The following ARHGEF28 variants were observed in gnomAD, a reference collection of about 807,000 sequenced individuals.
ARHGEF28 encodes the protein 190 kDa guanine nucleotide exchange factor.
Under a neutral mutation model 206.6 loss-of-function variants are expected in ARHGEF28, and 152 were observed. The ratio of observed to expected loss-of-function variants is 0.74; its 90% CI spans 0.64 to 0.84. The LOEUF is 0.84. Ranked by LOEUF, ARHGEF28 falls within the 40% of genes least tolerant of loss-of-function variation. ARHGEF28 has a pLI of 0.00. For missense variants in ARHGEF28, 2,028 were observed against 2,073.2 expected, an observed-to-expected ratio of 0.98 and a Z score of 0.42; for synonymous variants, 763 against 776.4, an observed-to-expected ratio of 0.98 and a Z score of 0.29.
rs770831702 is a variant in ARHGEF28, at chr5:73,795,404, G to A, written c.1024+13G>A. ...AGCCTAGATTTGGGTATGAAATAAC[G>A]CTTTTACCTATACTCGTAGGGGCAT... On this transcript the variant is annotated intron_variant, in intron 9 of 35. Transcript: ENST00000513042. 28 of 1,606,704 alleles carry A rather than the reference G, an allele frequency of 1.7e-5. 1 individual carries two copies. Among genetic ancestry groups the A allele is most frequent in the Admixed American group, 8.3e-5 (5 of 59,904 alleles).
intron 4 of ARHGEF28, among the ~76,000 whole-genome samples, chr5:73,771,313 C>T (rs370548914): frequency 3.3e-5 from 5 of 152,104 alleles, no homozygotes; most frequent in East Asian, 3.9e-4. Flanking sequence ...GAGGCCAAGG[C>T]GAGTGGATCA....
intron 4 of ARHGEF28, among the ~76,000 whole-genome samples, chr5:73,772,650 A>G (rs1753291611): frequency 6.6e-6 from 1 of 152,182 alleles, no homozygotes; most frequent in Non-Finnish European, 1.5e-5. Context: ...AAGTGCTGGG[A>G]TTAAGGCATT....
At chr5:73,801,175 G>A (rs201481356) in intron 9 of ARHGEF28, among the ~76,000 whole-genome samples, 2 of 152,300 alleles carry the variant, frequency 1.3e-5, no homozygotes, top group Admixed American at 1.3e-4. Context: ...GGCCGGGCGC[G>A]GGGGCTCACG....
At chr5:73,747,927 C>T (rs1751818960) in intron 2 of ARHGEF28, among the ~76,000 whole-genome samples, 1 of 152,026 alleles carries the variant, frequency 6.6e-6, no homozygotes, top group Non-Finnish European at 1.5e-5. Flanking sequence ...TCCACCCAAC[C>T]GAATAAAATA....
In ARHGEF28 at chr5:73,809,006, C is replaced by G. The variant is rs538475955; in HGVS notation, c.1024+13615C>G. Among the ~76,000 whole-genome samples the G allele has an allele frequency of 4.6e-5, 7 of 152,228 alleles. No individual in the cohort carries two copies. The East Asian group carries it at 1.4e-3, about 29-fold the overall frequency. On this transcript the variant is annotated intron_variant, in intron 9 of 35. Coordinates refer to ENST00000513042, the MANE Select transcript of ARHGEF28 (RefSeq NM_001177693.2). ...ATGGCTTATGCCTGTAATCCCAGCA[C>G]TTTGGTGGGCCGTGGCAGGCAGATC...
chr5:73,916,514 C>A (rs960881753), intron 35 of ARHGEF28, among the ~76,000 whole-genome samples: 3 of 152,198 alleles, frequency 2.0e-5, no homozygotes, highest in African/African-American at 4.8e-5. Context: ...CCTTGACTTG[C>A]GGATGAGATG....
intron 14 of ARHGEF28, among the ~76,000 whole-genome samples, chr5:73,855,122 T>C (rs1419807407): frequency 2.0e-5 from 3 of 152,184 alleles, no homozygotes; most frequent in Non-Finnish European, 4.4e-5. Flanking sequence ...GTAAAAGCTA[T>C]TTAAATTCTA....
intron 4 of ARHGEF28, among the ~76,000 whole-genome samples, chr5:73,754,911 T>A (rs1033828840): frequency 1.1e-4 from 16 of 148,684 alleles, no homozygotes; most frequent in Admixed American, 2.7e-4. Context: ...TTATTTATTT[T>A]TTTAGAGACA....
intron 35 of ARHGEF28, among the ~76,000 whole-genome samples, chr5:73,921,029 A>C (rs942325280): frequency 6.6e-6 from 1 of 152,194 alleles, no homozygotes; most frequent in Non-Finnish European, 1.5e-5. Context: ...TCAATGAAAC[A>C]CTTTCTTAAA....
At chr5:73,933,444 G>A (rs1442753229) in intron 35 of ARHGEF28, among the ~76,000 whole-genome samples, 1 of 152,124 alleles carries the variant, frequency 6.6e-6, no homozygotes, top group Non-Finnish European at 1.5e-5. Context: ...CCAATGACTT[G>A]TCATACAGTT....
At chr5:73,804,221 T>C (rs1360865451) in intron 9 of ARHGEF28, among the ~76,000 whole-genome samples, 2 of 151,994 alleles carry the variant, frequency 1.3e-5, no homozygotes, top group African/African-American at 2.4e-5. Context: ...ATCTAACAGA[T>C]AGATTCATCT....
intron 2 of ARHGEF28, among the ~76,000 whole-genome samples, chr5:73,714,696 A>G (rs1054455624): frequency 1.3e-5 from 2 of 152,224 alleles, no homozygotes; most frequent in South Asian, 2.1e-4. Flanking sequence ...AGTCATATGC[A>G]CAAATCTTAA....
intron 31 of ARHGEF28, chr5:73,901,944 G>A (rs1419224337): frequency 6.6e-6 from 1 of 152,080 alleles, no homozygotes; most frequent in Non-Finnish European, 1.5e-5. Flanking sequence ...AATAGGGAAG[G>A]AATAAAATAT....
At chr5:73,705,049 G>A (rs1748853809) in intron 2 of ARHGEF28, among the ~76,000 whole-genome samples, 1 of 152,228 alleles carries the variant, frequency 6.6e-6, no homozygotes, top group Admixed American at 6.5e-5. Flanking sequence ...TGTTGAAAGA[G>A]TTAACATTTT....
intron 1 of ARHGEF28, among the ~76,000 whole-genome samples, chr5:73,649,317 T>C (rs1277594813): frequency 2.0e-5 from 3 of 152,132 alleles, no homozygotes; most frequent in Non-Finnish European, 4.4e-5. Context: ...ACAGGAGCCC[T>C]GGAAGGAGCA....
intron 2 of ARHGEF28, among the ~76,000 whole-genome samples, chr5:73,746,915 A>G (rs907328431): frequency 6.6e-6 from 1 of 152,090 alleles, no homozygotes; most frequent in Admixed American, 6.6e-5. Context: ...CAAAAATATC[A>G]TTTCGATTCT....
At chr5:73,905,306 T>C (rs1412485071) in intron 33 of ARHGEF28, 1 of 73,234 alleles carries the variant, frequency 1.4e-5, no homozygotes, top group Non-Finnish European at 2.4e-5. Flanking sequence ...AGCCCATCCA[T>C]TAAAAAAAAA....
chr5:73,886,173 C>A, intron 25 of ARHGEF28, 69 bp downstream of exon 25: 1 of 1,515,130 alleles, frequency 6.6e-7, no homozygotes, highest in Non-Finnish European at 8.8e-7. Context: ...GACAGATTTT[C>A]AAAAGAAAAA....
At chr5:73,630,694 C>A (rs183571985) in intron 1 of ARHGEF28, among the ~76,000 whole-genome samples, 1 of 152,090 alleles carries the variant, frequency 6.6e-6, no homozygotes, top group African/African-American at 2.4e-5. Context: ...GGTGAATATT[C>A]CTACTGGAAC....
Sources: gnomAD v4.1 joint callset for allele counts (sites outside exome capture counted in the v4.1 genomes callset) on GRCh38, gnomAD v4.1.1 for gene constraint, MANE v1.5 for transcripts, NCBI Gene and HGNC (gene_info 2026-07-23, HGNC 2026-07-21) for gene names.